The following CHIC2 variants were observed in gnomAD, a reference collection of about 807,000 sequenced individuals.
CHIC2 encodes cysteine-rich hydrophobic domain-containing protein 2.
CHIC2 carries 14 observed loss-of-function variants against 25.9 expected under a neutral mutation model. The ratio of observed to expected loss-of-function variants is 0.54; its 90% confidence interval spans 0.36 to 0.85. The LOEUF is 0.85. Ranked by LOEUF, CHIC2 falls within the 40% of genes least tolerant of loss-of-function variation. CHIC2 has a pLI of 0.01. For synonymous variants in CHIC2, 70 were observed against 72.0 expected (o/e 0.97, Z 0.14); for missense variants, 146 against 202.0 (o/e 0.72, Z 1.68).
chr4:54,027,805 A>C (rs1716106587), intron 3 of CHIC2, among the ~76,000 whole-genome samples: 1 of 152,222 alleles, frequency 6.6e-6, no homozygotes, highest in Non-Finnish European at 1.5e-5. Context: ...GAAAGGATCT[A>C]ATACTAGAAG....
intron 5 of CHIC2, among the ~76,000 whole-genome samples, chr4:54,012,455 T>C (rs1715624182): frequency 6.6e-6 from 1 of 152,194 alleles, no homozygotes; most frequent in African/African-American, 2.4e-5. Flanking sequence ...TATAGTTCTA[T>C]CTGGAATTCA....
intron 3 of CHIC2, among the ~76,000 whole-genome samples, chr4:54,027,635 T>C (rs1265565239): frequency 6.6e-6 from 1 of 152,108 alleles, no homozygotes; most frequent in South Asian, 2.1e-4. Flanking sequence ...ATGGGGAAGA[T>C]AGTGAAGAAG....
intron 1 of CHIC2, among the ~76,000 whole-genome samples, chr4:54,051,610 T>C (rs901716612): frequency 1.3e-5 from 2 of 152,232 alleles, no homozygotes; most frequent in East Asian, 1.9e-4. Context: ...CTCCCTTTTA[T>C]TTTTGGATTT....
chr4:54,019,963 A>T (rs1715849387), intron 3 of CHIC2, among the ~76,000 whole-genome samples: 2 of 152,194 alleles, frequency 1.3e-5, no homozygotes, highest in Non-Finnish European at 2.9e-5. Flanking sequence ...ACCACAGAAT[A>T]TTAGAAAAAC....
At chr4:54,050,803 T>C (rs966164967) in intron 1 of CHIC2, among the ~76,000 whole-genome samples, 6 of 152,136 alleles carry the variant, frequency 3.9e-5, no homozygotes, top group Non-Finnish European at 7.4e-5. Context: ...CACTCTGTGA[T>C]GTCTGCACAA....
chr4:54,068,192 C>T (rs1178079526), upstream of CHIC2, among the ~76,000 whole-genome samples: 2 of 152,078 alleles, frequency 1.3e-5, no homozygotes, highest in African/African-American at 4.8e-5. Flanking sequence ...GTTGTTTAAG[C>T]CACCCAGGCT....
intron 1 of CHIC2, among the ~76,000 whole-genome samples, chr4:54,050,761 G>C (rs552467382): frequency 1.3e-5 from 2 of 152,064 alleles, no homozygotes; most frequent in Admixed American, 6.5e-5. Flanking sequence ...TAGATGTGTA[G>C]TAGGCTACAC....
chr4:54,012,437 T>C (rs1489957247), intron 5 of CHIC2, among the ~76,000 whole-genome samples: 1 of 152,176 alleles, frequency 6.6e-6, no homozygotes, highest in Non-Finnish European at 1.5e-5. Flanking sequence ...ATGAATAAAT[T>C]ATAGTCATAT....
chr4:54,062,243 C>T (rs1006829327), intron 1 of CHIC2, among the ~76,000 whole-genome samples: 1 of 152,118 alleles, frequency 6.6e-6, no homozygotes, highest in Non-Finnish European at 1.5e-5. Flanking sequence ...TGTAGAAAGG[C>T]ATACTGTTTA....
chr4:54,064,876 C>T (rs371685434), upstream of CHIC2, among the ~76,000 whole-genome samples: 1 of 152,128 alleles, frequency 6.6e-6, no homozygotes, highest in Non-Finnish European at 1.5e-5. The surrounding 1 kb of genome is among the most constrained non-coding windows in gnomAD (Gnocchi z 4.2). Flanking sequence ...GCGGCGGCTC[C>T]GCTGACTGGA....
At chr4:54,082,732 G>A in the CHIC2 span, among the ~76,000 whole-genome samples, 3 of 152,220 alleles carry the variant, frequency 2.0e-5, no homozygotes, top group Admixed American at 6.5e-5. Context: ...CAAATAGTAA[G>A]TACTGGATTA....
intron 5 of CHIC2, among the ~76,000 whole-genome samples, chr4:54,012,294 G>T (rs551084698): frequency 3.2e-4 from 49 of 152,008 alleles, no homozygotes; most frequent in African/African-American, 1.2e-3. Context: ...ACTCTTCTGG[G>T]TATCTTCTAT....
chr4:54,034,086 T>A (rs1395099719), intron 3 of CHIC2, among the ~76,000 whole-genome samples: 2 of 151,824 alleles, frequency 1.3e-5, no homozygotes, highest in Non-Finnish European at 2.9e-5. Context: ...AATCTATGGA[T>A]CAGTTTGGAG....
the CHIC2 span, among the ~76,000 whole-genome samples, chr4:54,083,425 A>C: frequency 6.6e-6 from 1 of 152,190 alleles, no homozygotes; most frequent in Admixed American, 6.5e-5. Context: ...GTTTACAACC[A>C]ATTTATCTTT....
chr4:54,015,202 A>G (rs546547123), intron 3 of CHIC2, among the ~76,000 whole-genome samples: 1 of 152,294 alleles, frequency 6.6e-6, no homozygotes, highest in African/African-American at 2.4e-5. Context: ...ATAATTCATA[A>G]CTACCAATGA....
At chr4:54,081,224 A>G in the CHIC2 span, among the ~76,000 whole-genome samples, 1 of 151,572 alleles carries the variant, frequency 6.6e-6, no homozygotes, top group Admixed American at 6.6e-5. Context: ...TCCTGAGCTG[A>G]AGGGATCCTC....
Position 54,062,302 on chromosome 4 carries a change from G to C in CHIC2, c.119+1880C>G, listed in dbSNP as rs563822651. 1.7e-4 allele frequency among the ~76,000 whole-genome samples: 26 copies of C among 151,760 alleles called. No homozygotes were observed. The East Asian group carries it at 5.0e-3, about 29-fold the overall frequency. On this transcript the variant is annotated intron_variant, in intron 1 of 5. Coordinates refer to ENST00000263921, the MANE Select transcript of CHIC2 (RefSeq NM_012110.4). Reference sequence around the variant, plus strand: ...ATAACCTGGAATAGTTTTCAATCTTGGCTACACATTAGAATCACCTGTGAG... The same window carrying C: ...ATAACCTGGAATAGTTTTCAATCTTCGCTACACATTAGAATCACCTGTGAG...
At chr4:54,050,885 T>C (rs1178928004) in intron 1 of CHIC2, among the ~76,000 whole-genome samples, 1 of 150,610 alleles carries the variant, frequency 6.6e-6, no homozygotes, top group Non-Finnish European at 1.5e-5. Flanking sequence ...TGTATATATC[T>C]TCACTTTAAC....
At position 54,023,121 on chromosome 4, in the gene CHIC2, T is replaced by C. The variant is rs139277002; in HGVS notation, c.331-9002A>G. 8.2e-3 allele frequency among the ~76,000 whole-genome samples: 1,250 copies of C among 152,232 alleles called. 11 individuals are homozygous for C. Among genetic ancestry groups the C allele is most frequent in the African/African-American group, 0.028 (1,164 of 41,526 alleles). ...ATTCCTTAAAAACAGCCCTAGAAGC[T>C]GCCACCACGCTAGCTCTCCCTAACT... On this transcript the variant is annotated intron_variant, in intron 3 of 5. Coordinates refer to ENST00000263921, the MANE Select transcript of CHIC2 (RefSeq NM_012110.4).
Sources: allele counts gnomAD v4.1 joint callset (sites outside exome capture counted in the v4.1 genomes callset), GRCh38; gene constraint gnomAD v4.1.1; non-coding constraint Gnocchi (gnomAD v3.1); transcripts MANE v1.5; gene names NCBI Gene and HGNC (gene_info 2026-07-23, HGNC 2026-07-21).